GRM8: variants seen among roughly 807,000 people sequenced by gnomAD.
GRM8 encodes the protein glutamate metabotropic receptor 8.
GRM8 carries 47 observed loss-of-function variants against 87.2 expected under a neutral mutation model. The ratio of observed to expected loss-of-function variants is 0.54; its 90% CI spans 0.43 to 0.69. The LOEUF (loss-of-function observed/expected upper bound fraction) is 0.69, where lower values mean the gene tolerates loss of function less well. Ranked by LOEUF, GRM8 falls within the 30% of genes least tolerant of loss-of-function variation. The pLI is 0.00. For missense variants in GRM8, 1,019 were observed against 1,139.2 expected (o/e 0.89, Z 1.52); for synonymous variants, 396 against 404.5 (o/e 0.98, Z 0.25).
chr7:126,552,224 GATAATTTCATTATGCTCCTATATT>G (rs1264400928), intron 8 of GRM8, among the ~76,000 whole-genome samples: 1 of 152,126 alleles, frequency 6.6e-6, no homozygotes, highest in Admixed American at 6.5e-5. Flanking sequence ...TCATTTGTAT[GATAATTTCATTATGCTCCTATATT>G]ATAATGAACT....
At chr7:127,091,198 C>T (rs1013931928) in intron 3 of GRM8, among the ~76,000 whole-genome samples, 1 of 152,082 alleles carries the variant, frequency 6.6e-6, no homozygotes, top group Non-Finnish European at 1.5e-5. Flanking sequence ...TGAGAAAGCA[C>T]TAAACACTGG....
At chr7:126,623,788 C>T (rs1800410906) in intron 7 of GRM8, among the ~76,000 whole-genome samples, 1 of 152,138 alleles carries the variant, frequency 6.6e-6, no homozygotes, top group African/African-American at 2.4e-5. Flanking sequence ...AAACAAGGCC[C>T]ATATCTAGGC....
At chr7:126,805,177 A>G (rs1279539601) in intron 6 of GRM8, among the ~76,000 whole-genome samples, 1 of 152,088 alleles carries the variant, frequency 6.6e-6, no homozygotes, top group East Asian at 1.9e-4. Context: ...CTTCTTAATG[A>G]CTGTCAGCTT....
At position 127,069,484 on chromosome 7, in the gene GRM8, A is replaced by T. The variant is rs62468876; in HGVS notation, c.727+37012T>A. Reference sequence around the variant, plus strand: ...TGGCCAATAACAAATATTTTAATTTAAAAAAAAAAGAAATCACCCCTTTGT... The same window carrying T: ...TGGCCAATAACAAATATTTTAATTTTAAAAAAAAAGAAATCACCCCTTTGT... On this transcript the variant is annotated intron_variant, in intron 3 of 10. Coordinates refer to ENST00000339582, the MANE Select transcript of GRM8 (RefSeq NM_000845.3). Among the ~76,000 whole-genome samples, 14 of 64,642 alleles carry T rather than the reference A, an allele frequency of 2.2e-4. 1 individual carries two copies. Among genetic ancestry groups the T allele is most frequent in the African/African-American group, 5.1e-4 (11 of 21,672 alleles). The allele number at this position is 64,642 out of a possible 152,430, so 42.4% of individuals were successfully genotyped here.
At chr7:126,950,544 T>C (rs963406824) in intron 3 of GRM8, among the ~76,000 whole-genome samples, 4 of 152,144 alleles carry the variant, frequency 2.6e-5, no homozygotes, top group African/African-American at 9.7e-5. Context: ...ATTTTTTTAA[T>C]TCCAAGTGTT....
At chr7:127,238,897 T>C (rs1352025159) in intron 2 of GRM8, among the ~76,000 whole-genome samples, 1 of 152,290 alleles carries the variant, frequency 6.6e-6, no homozygotes, top group South Asian at 2.1e-4. Context: ...GATGCCAGCA[T>C]CTCCTTTGCA....
intron 3 of GRM8, among the ~76,000 whole-genome samples, chr7:127,022,511 C>T (rs1461340602): frequency 7.3e-5 from 11 of 151,580 alleles, no homozygotes; most frequent in Admixed American, 7.3e-4. Flanking sequence ...GATGGAGAGG[C>T]ATGGGGGTGG....
At chr7:126,598,827 C>G (rs1409652566) in intron 8 of GRM8, among the ~76,000 whole-genome samples, 1 of 152,032 alleles carries the variant, frequency 6.6e-6, no homozygotes, top group South Asian at 2.1e-4. Context: ...TTAAAATGTT[C>G]TCATGGTATA....
intron 2 of GRM8, among the ~76,000 whole-genome samples, chr7:127,169,536 A>T (rs1045109034): frequency 6.6e-6 from 1 of 151,936 alleles, no homozygotes; most frequent in African/African-American, 2.4e-5. Context: ...AACTAAGATC[A>T]TTGATGAAGG....
At chr7:126,608,582 C>T (rs1288550024) in intron 8 of GRM8, among the ~76,000 whole-genome samples, 2 of 152,034 alleles carry the variant, frequency 1.3e-5, no homozygotes, top group Non-Finnish European at 2.9e-5. Context: ...CTGCGGTAGA[C>T]AAAAATAGCA....
At chr7:126,636,840 T>C (rs952030731) in intron 7 of GRM8, among the ~76,000 whole-genome samples, 10 of 152,084 alleles carry the variant, frequency 6.6e-5, no homozygotes, top group Admixed American at 2.0e-4. Context: ...CCTTGTGACA[T>C]TTTATCTTTC....
At chr7:126,888,444 C>T (rs1800699861) in intron 6 of GRM8, among the ~76,000 whole-genome samples, 1 of 152,192 alleles carries the variant, frequency 6.6e-6, no homozygotes, top group Non-Finnish European at 1.5e-5. Flanking sequence ...CATTTTACAT[C>T]AGCCTGACAG....
At chr7:126,928,239 A>AG (rs1342960850) in intron 3 of GRM8, among the ~76,000 whole-genome samples, 1 of 17,118 alleles carries the variant, frequency 5.8e-5, no homozygotes, top group Non-Finnish European at 1.2e-4. Context: ...GTGGGGGGCA[A>AG]GGGGAGGGAT....
chr7:127,242,911 C>G lies in GRM8; in HGVS notation c.294G>C (p.Leu98=). 6.2e-7 allele frequency: 1 copy of G among 1,614,100 alleles called. No individual in the cohort carries two copies. The highest frequency in any genetic ancestry group is 8.5e-7 in the Non-Finnish European group (1 of 1,179,972). The change falls in exon 2 of 11, where the codon CTG becomes CTC. Residue 98 remains leucine (L), a synonymous_variant. Coordinates refer to ENST00000339582, the MANE Select transcript of GRM8 (RefSeq NM_000845.3). ...KDPDLLSNIT[L]GVRILDTCSR... ...AGCACGTGTCGAGGATGCGGACACC[C>G]AGAGTGATGTTGGAAAGGAGATCAG...
intron 7 of GRM8, among the ~76,000 whole-genome samples, chr7:126,652,868 G>C (rs999148334): frequency 7.2e-5 from 11 of 152,106 alleles, no homozygotes; most frequent in African/African-American, 2.4e-4. Flanking sequence ...TATTCTAACA[G>C]GCTTAAGGCT....
intron 8 of GRM8, among the ~76,000 whole-genome samples, chr7:126,588,574 T>C (rs1243065299): frequency 6.6e-6 from 1 of 152,052 alleles, no homozygotes; most frequent in Non-Finnish European, 1.5e-5. Context: ...AGTGGTGAAC[T>C]GGATAAAGAA....
intron 3 of GRM8, among the ~76,000 whole-genome samples, chr7:127,042,627 G>C (rs1434736083): frequency 1.3e-5 from 2 of 152,144 alleles, no homozygotes; most frequent in Non-Finnish European, 2.9e-5. Context: ...ATGGATAAAA[G>C]ACTTAAATGT....
At chr7:126,719,994 T>C (rs1371114010) in intron 7 of GRM8, among the ~76,000 whole-genome samples, 1 of 152,086 alleles carries the variant, frequency 6.6e-6, no homozygotes, top group Non-Finnish European at 1.5e-5. Context: ...TAATTTATAA[T>C]GTCTCTAGTA....
intron 6 of GRM8, among the ~76,000 whole-genome samples, chr7:126,791,767 A>C (rs1468620221): frequency 6.6e-6 from 1 of 152,224 alleles, no homozygotes; most frequent in Admixed American, 6.5e-5. Context: ...CATTTTTTAA[A>C]AATGCAACCC....
Sources: allele counts gnomAD v4.1 joint callset (sites outside exome capture counted in the v4.1 genomes callset), GRCh38; gene constraint gnomAD v4.1.1; transcripts MANE v1.5; gene names NCBI Gene and HGNC (gene_info 2026-07-23, HGNC 2026-07-21).